NBDY: variants seen among roughly 807,000 people sequenced by gnomAD.
NBDY encodes the protein P-body dissociating protein.
At chrX:56,807,088 TGTTATTGCCAG>T (rs1469253392) in intron 2 of NBDY, among the ~76,000 whole-genome samples, 1 of 112,084 alleles carries the variant, frequency 8.9e-6, no homozygotes, top group African/African-American at 3.2e-5. Flanking sequence ...CCCCATGGCT[TGTTATTGCCAG>T]GTTCATCAAA....
chrX:56,767,609 C>T (rs960994153), intron 2 of NBDY, among the ~76,000 whole-genome samples: 8 of 113,522 alleles, frequency 7.0e-5, no homozygotes, highest in Non-Finnish European at 1.5e-4. Flanking sequence ...CCTGCCTGCC[C>T]AGGGCAGTGA....
chrX:56,786,576 C>CT (rs1201858131), intron 2 of NBDY, among the ~76,000 whole-genome samples: 1 of 110,140 alleles, frequency 9.1e-6, no homozygotes, highest in African/African-American at 3.3e-5. Context: ...TCTCCTCCTC[C>CT]TTCTCCTCCA....
intron 2 of NBDY, among the ~76,000 whole-genome samples, chrX:56,806,788 T>C (rs1014581656): frequency 8.9e-6 from 1 of 112,258 alleles, no homozygotes; most frequent in African/African-American, 3.2e-5. Context: ...GATGATAGTT[T>C]CTTTTGCTGT....
chrX:56,744,191 A>G (rs997369149), intron 2 of NBDY, among the ~76,000 whole-genome samples: 10 of 110,951 alleles, frequency 9.0e-5, no homozygotes, highest in Non-Finnish European at 1.7e-4. Context: ...TATTATTTCA[A>G]TTTTTTTGAA....
At chrX:56,755,585 A>T (rs1341667279) in intron 2 of NBDY, among the ~76,000 whole-genome samples, 6 of 112,112 alleles carry the variant, frequency 5.4e-5, no homozygotes, top group Non-Finnish European at 9.4e-5. Context: ...TCAAAACCAC[A>T]ATGAGATACC....
intron 2 of NBDY, among the ~76,000 whole-genome samples, chrX:56,746,004 G>A (rs777480764): frequency 2.6e-4 from 29 of 111,171 alleles, no homozygotes; most frequent in African/African-American, 8.8e-4. Context: ...TTCTGGACAC[G>A]GGTCAAATTA....
intron 1 of NBDY, 46 bp downstream of exon 1, chrX:56,729,635 T>C (rs1263160878): frequency 6.8e-6 from 2 of 294,635 alleles, no homozygotes; most frequent in African/African-American, 5.5e-5. Context: ...TTGAAACTTA[T>C]TTATGCATTC....
In NBDY at chrX:56,809,413, A is replaced by T. The variant is rs775926543; in HGVS notation, c.*167-7907A>T. 3.8e-4 allele frequency among the ~76,000 whole-genome samples: 43 copies of T among 111,705 alleles called. 1 individual carries two copies. Among genetic ancestry groups the T allele is most frequent in the Non-Finnish European group, 7.3e-4 (39 of 53,133 alleles). ...GTAAGTCTCTTTGTAGGTCTCTAAG[A>T]ACTTGCTTTATGAATCTGTGTGCTC... On this transcript the variant is annotated intron_variant, in intron 2 of 2. Transcript: ENST00000374922.
At chrX:56,801,380 CT>C (rs1293437926) in intron 2 of NBDY, among the ~76,000 whole-genome samples, 3 of 108,953 alleles carry the variant, frequency 2.8e-5, no homozygotes, top group Non-Finnish European at 5.7e-5. Flanking sequence ...TCATTTTTCT[CT>C]TCTTTCTTCT....
At chrX:56,767,594 T>C (rs1006562003) in intron 2 of NBDY, among the ~76,000 whole-genome samples, 1 of 113,361 alleles carries the variant, frequency 8.8e-6, no homozygotes, top group Admixed American at 9.2e-5. Context: ...GAGCAGCCAG[T>C]TGGACCTGCC....
intron 2 of NBDY, among the ~76,000 whole-genome samples, chrX:56,805,373 T>A (rs1291592476): frequency 2.7e-5 from 3 of 112,287 alleles, no homozygotes; most frequent in Non-Finnish European, 5.6e-5. Context: ...TTATCTGTGC[T>A]TCCATACATC....
In NBDY at chrX:56,808,928, T is replaced by A. The variant is rs1345986265; in HGVS notation, c.*167-8392T>A. ...ATAAGTTTCCCTCTCCACACTGCTT[T>A]AAACGCATCCCTGAGATTCTGGTAC... On this transcript the variant is annotated intron_variant, in intron 2 of 2. Transcript: ENST00000374922. Among the ~76,000 whole-genome samples, 2 of 112,921 alleles carry A rather than the reference T, an allele frequency of 1.8e-5. 1 individual carries two copies. The highest frequency in any genetic ancestry group is 8.3e-3 in the Middle Eastern group (2 of 240).
intron 2 of NBDY, among the ~76,000 whole-genome samples, chrX:56,795,412 C>T (rs747401977): frequency 8.9e-6 from 1 of 112,081 alleles, no homozygotes; most frequent in Non-Finnish European, 1.9e-5. Flanking sequence ...TGTTGGGATG[C>T]GAAGCCATGA....
At chrX:56,737,402 C>A in intron 2 of NBDY, 1 of 642,931 alleles carries the variant, frequency 1.6e-6, no homozygotes, top group South Asian at 2.2e-5. Context: ...GTGACACATC[C>A]TGTCATTATA....
At chrX:56,801,359 CCTT>C (rs2069821604) in intron 2 of NBDY, among the ~76,000 whole-genome samples, 1 of 109,663 alleles carries the variant, frequency 9.1e-6, no homozygotes, top group Non-Finnish European at 1.9e-5. Context: ...TACTCCTTCT[CCTT>C]CTCCTTCTCA....
At chrX:56,800,889 G>C (rs2069818894) in intron 2 of NBDY, among the ~76,000 whole-genome samples, 1 of 110,808 alleles carries the variant, frequency 9.0e-6, no homozygotes, top group African/African-American at 3.3e-5. Flanking sequence ...CCTTCTGTCA[G>C]TGTTGCCATA....
chrX:56,782,272 T>C (rs1374615288), intron 2 of NBDY, among the ~76,000 whole-genome samples: 1 of 111,400 alleles, frequency 9.0e-6, no homozygotes, highest in African/African-American at 3.3e-5. Context: ...TCTTCTCTTT[T>C]TTGTTTTCTT....
intron 1 of NBDY, among the ~76,000 whole-genome samples, chrX:56,730,285 GT>G (rs1402133147): frequency 9.3e-6 from 1 of 107,660 alleles, no homozygotes; most frequent in African/African-American, 3.4e-5. Context: ...GGATGCCGAG[GT>G]GAGCAGATCA....
At chrX:56,747,907 GAT>G (rs2069565324) in intron 2 of NBDY, among the ~76,000 whole-genome samples, 1 of 111,276 alleles carries the variant, frequency 9.0e-6, no homozygotes, top group Non-Finnish European at 1.9e-5. Context: ...ACCAGTAGGA[GAT>G]ATATATTAAG....
Sources: gnomAD v4.1 joint callset for allele counts (sites outside exome capture counted in the v4.1 genomes callset) on GRCh38, gnomAD v4.1.1 for gene constraint, MANE v1.5 for transcripts, NCBI Gene and HGNC (gene_info 2026-07-23, HGNC 2026-07-21) for gene names.